The following DGKB variants were observed in gnomAD, a reference collection of about 807,000 sequenced individuals.
DGKB encodes 90 kDa diacylglycerol kinase.
Under a neutral mutation model 114.3 loss-of-function variants are expected in DGKB, and 67 were observed. The observed-to-expected ratio is 0.59, with a 90% confidence interval of 0.48 to 0.72. The LOEUF (loss-of-function observed/expected upper bound fraction) is 0.72, where lower values mean the gene tolerates loss of function less well. Ranked by LOEUF, DGKB falls within the 30% of genes least tolerant of loss-of-function variation. The probability of loss-of-function intolerance (pLI) is 0.00; values close to 1 mark genes in which losing one functional copy is unlikely to be tolerated. For missense variants in DGKB, 907 were observed against 975.2 expected, an observed-to-expected ratio of 0.93 and a Z score of 0.93; for synonymous variants, 398 against 323.1, an observed-to-expected ratio of 1.23 and a Z score of -2.49.
chr7:14,242,535 T>G (rs1425483569), intron 23 of DGKB, among the ~76,000 whole-genome samples: 1 of 152,172 alleles, frequency 6.6e-6, no homozygotes, highest in Non-Finnish European at 1.5e-5. Context: ...TAGGTCAGAA[T>G]TCATTCAGTA....
chr7:14,406,511 G>A (rs1177286112), intron 21 of DGKB, among the ~76,000 whole-genome samples: 3 of 152,098 alleles, frequency 2.0e-5, no homozygotes, highest in South Asian at 4.1e-4. Flanking sequence ...TACTGATCAC[G>A]ACAGCACTTA....
At chr7:14,921,748 GC>G (rs1273198799) in intron 1 of DGKB, among the ~76,000 whole-genome samples, 1 of 152,138 alleles carries the variant, frequency 6.6e-6, no homozygotes, top group African/African-American at 2.4e-5. Context: ...AGAGTGGAAG[GC>G]AAGACTTAAA....
intron 21 of DGKB, among the ~76,000 whole-genome samples, chr7:14,446,194 G>A (rs886987204): frequency 6.6e-6 from 1 of 151,998 alleles, no homozygotes; most frequent in Admixed American, 6.6e-5. Flanking sequence ...AGAAAATCCG[G>A]GCGATAGTAG....
chr7:14,478,104 T>C, intron 21 of DGKB, 57 bp downstream of exon 21: 3 of 1,272,946 alleles, frequency 2.4e-6, no homozygotes, highest in Non-Finnish European at 2.2e-6. Context: ...TCTAGTGATC[T>C]TTTTATGGCA....
chr7:14,161,494 T>C (rs1442721318), intron 25 of DGKB, among the ~76,000 whole-genome samples: 1 of 150,764 alleles, frequency 6.6e-6, no homozygotes, highest in Admixed American at 6.6e-5. Flanking sequence ...TAAAAAAGGA[T>C]GAATGAGTTC....
intron 1 of DGKB, among the ~76,000 whole-genome samples, chr7:14,873,186 G>T (rs1437145095): frequency 6.6e-6 from 1 of 152,020 alleles, no homozygotes; most frequent in Non-Finnish European, 1.5e-5. Flanking sequence ...TTTATCTTTG[G>T]GAAGTTCTTG....
At chr7:14,830,006 T>C (rs1846197434) in intron 2 of DGKB, among the ~76,000 whole-genome samples, 1 of 152,018 alleles carries the variant, frequency 6.6e-6, no homozygotes, top group Admixed American at 6.6e-5. Context: ...CACTGGGCAG[T>C]ATTTCTGGCC....
At chr7:14,573,757 T>C (rs1383801458) in intron 20 of DGKB, among the ~76,000 whole-genome samples, 1 of 143,486 alleles carries the variant, frequency 7.0e-6, no homozygotes, top group East Asian at 2.0e-4. Flanking sequence ...CACTTGAGAA[T>C]AGTAGCAGGA....
chr7:14,925,603 T>C (rs1264113877), intron 1 of DGKB, among the ~76,000 whole-genome samples: 1 of 152,196 alleles, frequency 6.6e-6, no homozygotes, highest in Non-Finnish European at 1.5e-5. Context: ...AGCATATATA[T>C]TCTATACGTC....
intron 21 of DGKB, among the ~76,000 whole-genome samples, chr7:14,427,100 T>TG (rs1205287157): frequency 6.7e-6 from 1 of 149,398 alleles, no homozygotes; most frequent in East Asian, 2.0e-4. Context: ...TGTCAGGGAG[T>TG]GGGGGGTGGG....
At chr7:14,827,589 C>T (rs1327277152) in intron 2 of DGKB, among the ~76,000 whole-genome samples, 1 of 152,088 alleles carries the variant, frequency 6.6e-6, no homozygotes, top group African/African-American at 2.4e-5. Context: ...AGATTTATCC[C>T]TCAAAGAAAT....
chr7:14,210,652 C>T (rs569723588), intron 23 of DGKB, among the ~76,000 whole-genome samples: 8 of 152,032 alleles, frequency 5.3e-5, no homozygotes, highest in Non-Finnish European at 8.8e-5. Context: ...TCCGCAACAT[C>T]AAATCTCACA....
At chr7:14,330,147 TAAAC>T (rs1447711118) in intron 23 of DGKB, among the ~76,000 whole-genome samples, 1 of 152,000 alleles carries the variant, frequency 6.6e-6, no homozygotes, top group Non-Finnish European at 1.5e-5. Flanking sequence ...ATTTTGAAAA[TAAAC>T]AATGTATTCT....
intron 12 of DGKB, among the ~76,000 whole-genome samples, chr7:14,675,909 A>G (rs1819772857): frequency 1.3e-5 from 2 of 152,140 alleles, no homozygotes; most frequent in Admixed American, 6.6e-5. Flanking sequence ...TGAGGGCATC[A>G]TGTTAGGAGT....
chr7:14,547,151 T>A (rs1311517716), intron 20 of DGKB, among the ~76,000 whole-genome samples: 1 of 152,188 alleles, frequency 6.6e-6, no homozygotes, highest in African/African-American at 2.4e-5. Flanking sequence ...TGAGTTTTTT[T>A]ATACTTAATG....
intron 23 of DGKB, among the ~76,000 whole-genome samples, chr7:14,289,716 A>G (rs1801433294): frequency 6.7e-6 from 1 of 150,194 alleles, no homozygotes; most frequent in African/African-American, 2.5e-5. Context: ...TTTAAAATAA[A>G]TAAGGCAAAC....
chr7:14,154,988 C>T (rs775691199), intron 25 of DGKB, among the ~76,000 whole-genome samples: 2 of 152,038 alleles, frequency 1.3e-5, no homozygotes, highest in Non-Finnish European at 2.9e-5. Context: ...GGAACACTGA[C>T]ATCATTGTTA....
chr7:14,567,867 A>G (rs898860264), intron 20 of DGKB, among the ~76,000 whole-genome samples: 1 of 152,028 alleles, frequency 6.6e-6, no homozygotes, highest in Non-Finnish European at 1.5e-5. Context: ...TTGGCCTCCC[A>G]AAGTGCTGGG....
chr7:14,498,608 G>T (rs1785651284), intron 20 of DGKB, among the ~76,000 whole-genome samples: 1 of 151,644 alleles, frequency 6.6e-6, no homozygotes, highest in Non-Finnish European at 1.5e-5. Flanking sequence ...GTAATTTTGG[G>T]GAATTGCTAA....
Sources: gnomAD v4.1 joint callset for allele counts (sites outside exome capture counted in the v4.1 genomes callset) on GRCh38, gnomAD v4.1.1 for gene constraint, MANE v1.5 for transcripts, NCBI Gene and HGNC (gene_info 2026-07-23, HGNC 2026-07-21) for gene names.